Variants in FER1L6 observed in about 807,000 individuals in gnomAD.
FER1L6 encodes fer-1 like family member 6, also known as fer-1-like protein 6.
In FER1L6, 177 loss-of-function variants were observed where a neutral mutation model predicts 219.2. That is an observed-to-expected ratio of 0.81 (90% CI 0.71 to 0.91). The LOEUF (loss-of-function observed/expected upper bound fraction) is 0.91, where lower values mean the gene tolerates loss of function less well. FER1L6 is among the 40% of genes least tolerant of loss of function. FER1L6 has a pLI of 0.00. For missense variants in FER1L6, 2,153 were observed against 2,259.9 expected, an observed-to-expected ratio of 0.95 and a Z score of 0.96; for synonymous variants, 768 against 824.3, an observed-to-expected ratio of 0.93 and a Z score of 1.17.
At chr8:124,092,042 C>T (rs564567755) in intron 34 of FER1L6, among the ~76,000 whole-genome samples, 7 of 151,314 alleles carry the variant, frequency 4.6e-5, no homozygotes, top group African/African-American at 1.7e-4. Flanking sequence ...TAATGAATAT[C>T]ACTTATAATC....
At chr8:124,024,495 A>G (rs954926861) in intron 18 of FER1L6, among the ~76,000 whole-genome samples, 6 of 152,174 alleles carry the variant, frequency 3.9e-5, no homozygotes, top group Admixed American at 1.3e-4. Context: ...AGAATAAGTA[A>G]TGGCCTCCAG....
chr8:124,045,767 A>T lies in FER1L6; in HGVS notation c.2590A>T (p.Ile864Leu). ...GCTTTTCTTTGGTCCCTGCTTCCAG[A>T]TAATCTCCCAGACCCTCTCTCCGAC... is the stretch of plus-strand genomic sequence containing the variant. ...TFLSHCQTTKIISQTLSPTWN... is the reference protein window; with the variant it reads ...TFLSHCQTTKLISQTLSPTWN... Residue 864 changes from isoleucine to leucine, a missense_variant and splice_region_variant, in exon 21 of 41, where the codon ATA becomes TTA. Physicochemically the swap from Ile to Leu is conservative, Grantham distance 5. Transcript: ENST00000522917. 6.2e-7 allele frequency: 1 copy of T among 1,614,000 alleles called. No homozygotes were observed. Among genetic ancestry groups the T allele is most frequent in the Non-Finnish European group, 8.5e-7 (1 of 1,179,974 alleles).
intron 15 of FER1L6, among the ~76,000 whole-genome samples, chr8:124,014,020 G>A (rs925699285): frequency 1.3e-5 from 2 of 152,064 alleles, no homozygotes; most frequent in Admixed American, 6.5e-5. Flanking sequence ...TTGTGGGGCT[G>A]AGGGAAAACC....
chr8:124,099,075 T>A (rs182049880), intron 37 of FER1L6, among the ~76,000 whole-genome samples: 4 of 152,324 alleles, frequency 2.6e-5, no homozygotes, highest in Non-Finnish European at 5.9e-5. Flanking sequence ...CTTGATCACT[T>A]CTTGTCCGTG....
At chr8:123,864,714 G>T (rs1031924668) in intron 1 of FER1L6, among the ~76,000 whole-genome samples, 1 of 148,612 alleles carries the variant, frequency 6.7e-6, no homozygotes, top group African/African-American at 2.6e-5. Context: ...TTCCCTTCTC[G>T]CTTCATTTCA....
intron 1 of FER1L6, among the ~76,000 whole-genome samples, chr8:123,861,375 G>A (rs1343214187): frequency 6.7e-6 from 1 of 149,318 alleles, no homozygotes; most frequent in Non-Finnish European, 1.5e-5. Flanking sequence ...TGCTGTTTTG[G>A]TTACTGTATC....
chr8:124,071,694 A>G, intron 31 of FER1L6, 63 bp downstream of exon 31: 1 of 1,543,060 alleles, frequency 6.5e-7, no homozygotes, highest in Non-Finnish European at 8.8e-7. Flanking sequence ...ATAACAAAAT[A>G]TATGGCAGAC....
intron 1 of FER1L6, among the ~76,000 whole-genome samples, chr8:123,872,787 C>T (rs1816946936): frequency 6.6e-6 from 1 of 152,204 alleles, no homozygotes; most frequent in African/African-American, 2.4e-5. Flanking sequence ...GTATTACCAA[C>T]TCCTTGACAT....
chr8:124,078,983 T>C (rs1563786880), intron 32 of FER1L6, among the ~76,000 whole-genome samples: 1 of 152,156 alleles, frequency 6.6e-6, no homozygotes, highest in African/African-American at 2.4e-5. Flanking sequence ...GGAGCCTCTA[T>C]TCCCTGCCTC....
chr8:124,004,115 C>CAAAAAAAAAAAA (rs80310802), intron 13 of FER1L6: 11 of 78,470 alleles, frequency 1.4e-4, no homozygotes, highest in South Asian at 5.0e-4. Context: ...CTGAAAGACT[C>CAAAAAAAAAAAA]AAAAAAAAAA....
At chr8:123,965,401 T>C (rs1451447480) in intron 3 of FER1L6, among the ~76,000 whole-genome samples, 1 of 152,224 alleles carries the variant, frequency 6.6e-6, no homozygotes, top group Non-Finnish European at 1.5e-5. Flanking sequence ...CTTCATCTCT[T>C]TCTGTTGTTA....
At chr8:124,006,957 G>A (rs949242281) in intron 13 of FER1L6, among the ~76,000 whole-genome samples, 36 of 152,186 alleles carry the variant, frequency 2.4e-4, no homozygotes, top group African/African-American at 8.4e-4. Flanking sequence ...AAAATTTGGG[G>A]TGGGAATTTA....
intron 33 of FER1L6, among the ~76,000 whole-genome samples, chr8:124,084,673 G>A (rs1821710887): frequency 6.6e-6 from 1 of 152,086 alleles, no homozygotes; most frequent in Middle Eastern, 3.4e-3. Flanking sequence ...CTAGTATTTT[G>A]TTGAAAATTT....
At chr8:124,007,918 G>A (rs1257783471) in intron 13 of FER1L6, among the ~76,000 whole-genome samples, 1 of 152,092 alleles carries the variant, frequency 6.6e-6, no homozygotes, top group African/African-American at 2.4e-5. Context: ...CTTATATAAT[G>A]CACTTACATC....
chr8:123,933,058 G>A (rs1161470383), intron 1 of FER1L6, among the ~76,000 whole-genome samples: 1 of 152,182 alleles, frequency 6.6e-6, no homozygotes, highest in African/African-American at 2.4e-5. Context: ...GCCTTCCCCT[G>A]ACCCACACCT....
chr8:123,985,968 A>G (rs1236703078), intron 11 of FER1L6, 100 bp from the exon 12 acceptor site: 4 of 689,506 alleles, frequency 5.8e-6, no homozygotes, highest in Non-Finnish European at 1.0e-5. Flanking sequence ...AGAGACCCAA[A>G]TGTTTATAAA....
At chr8:124,082,874 T>C (rs916134068) in intron 33 of FER1L6, among the ~76,000 whole-genome samples, 1 of 152,218 alleles carries the variant, frequency 6.6e-6, no homozygotes, top group Admixed American at 6.5e-5. Flanking sequence ...TCATTGAGTT[T>C]TGTGAACCAC....
intron 28 of FER1L6, among the ~76,000 whole-genome samples, chr8:124,068,836 G>C (rs1230319165): frequency 6.6e-6 from 1 of 152,130 alleles, no homozygotes; most frequent in Non-Finnish European, 1.5e-5. Context: ...ATATGTGCAT[G>C]GGGTGCCCTG....
chr8:124,059,086 A>G (rs1349806382), intron 22 of FER1L6: 3 of 152,204 alleles, frequency 2.0e-5, no homozygotes, highest in African/African-American at 7.2e-5. Flanking sequence ...GTAAACATCT[A>G]TCAAGAACTC....
Sources: allele counts gnomAD v4.1 joint callset (sites outside exome capture counted in the v4.1 genomes callset), GRCh38; gene constraint gnomAD v4.1.1; transcripts MANE v1.5; gene names NCBI Gene and HGNC (gene_info 2026-07-23, HGNC 2026-07-21).